The following HS6ST3 variants were observed in gnomAD, a reference collection of about 807,000 sequenced individuals.
HS6ST3 encodes heparan sulfate 6-O-sulfotransferase 3.
Under a neutral mutation model 36.7 loss-of-function variants are expected in HS6ST3, and 12 were observed. The ratio of observed to expected loss-of-function variants is 0.33; its 90% CI spans 0.21 to 0.53. The LOEUF (loss-of-function observed/expected upper bound fraction) is 0.53. HS6ST3 is among the 20% of genes least tolerant of loss of function. The pLI, the probability that HS6ST3 is intolerant of heterozygous loss-of-function variation, is 0.95. For synonymous variants in HS6ST3, 240 were observed against 257.5 expected (o/e 0.93, Z 0.65); for missense variants, 584 against 640.9 (o/e 0.91, Z 0.96).
At chr13:96,184,935 A>G (rs535267462) in intron 1 of HS6ST3, among the ~76,000 whole-genome samples, 1 of 152,178 alleles carries the variant, frequency 6.6e-6, no homozygotes, top group Non-Finnish European at 1.5e-5. Flanking sequence ...TGAACATGGT[A>G]GATATTCAGT....
chr13:96,829,114 T>G (rs1018066941), intron 1 of HS6ST3, among the ~76,000 whole-genome samples: 5 of 152,164 alleles, frequency 3.3e-5, no homozygotes, highest in Admixed American at 2.6e-4. Context: ...ATTTTCTTTT[T>G]CCTTTTCTCT....
intron 1 of HS6ST3, among the ~76,000 whole-genome samples, chr13:96,503,826 G>A (rs2056015307): frequency 2.0e-5 from 3 of 152,180 alleles, no homozygotes; most frequent in East Asian, 1.9e-4. Context: ...ATAGACTGGG[G>A]TGCTTAAACA....
At chr13:96,750,833 A>G (rs1876683313) in intron 1 of HS6ST3, among the ~76,000 whole-genome samples, 1 of 152,232 alleles carries the variant, frequency 6.6e-6, no homozygotes, top group Non-Finnish European at 1.5e-5. Context: ...ATTTCAAAAC[A>G]TAAAAAAGAA....
At chr13:96,216,613 T>C (rs7984912) in intron 1 of HS6ST3, among the ~76,000 whole-genome samples, 89,408 of 151,980 alleles carry the variant, frequency 0.59, 26,485 homozygotes, top group Admixed American at 0.68. Context: ...CAGATCATTC[T>C]TTGGCTAAGA....
intron 1 of HS6ST3, among the ~76,000 whole-genome samples, chr13:96,820,682 G>A (rs925530639): frequency 1.3e-5 from 2 of 152,352 alleles, no homozygotes; most frequent in Non-Finnish European, 2.9e-5. Context: ...GTTGGAACTC[G>A]AATCTGTCTG....
intron 1 of HS6ST3, among the ~76,000 whole-genome samples, chr13:96,332,396 AATCTT>A: frequency 6.6e-6 from 1 of 152,264 alleles, no homozygotes; most frequent in South Asian, 2.1e-4. Flanking sequence ...CCTTTGAGAA[AATCTT>A]ATCTTTTTAT....
At chr13:96,713,079 C>G (rs1566436179) in intron 1 of HS6ST3, among the ~76,000 whole-genome samples, 1 of 152,128 alleles carries the variant, frequency 6.6e-6, no homozygotes, top group Non-Finnish European at 1.5e-5. Context: ...GAAATGTCAT[C>G]TTTTTCTGTG....
At chr13:96,494,964 G>A (rs930700184) in intron 1 of HS6ST3, among the ~76,000 whole-genome samples, 2 of 152,126 alleles carry the variant, frequency 1.3e-5, no homozygotes, top group Admixed American at 1.3e-4. Flanking sequence ...ATCTGGCTTC[G>A]TGTGCCTAAT....
At chr13:96,682,197 A>C (rs2056720838) in intron 1 of HS6ST3, among the ~76,000 whole-genome samples, 2 of 152,160 alleles carry the variant, frequency 1.3e-5, no homozygotes, top group African/African-American at 4.8e-5. Context: ...AGACCTATAT[A>C]TATTTATACA....
intron 1 of HS6ST3, among the ~76,000 whole-genome samples, chr13:96,712,987 G>A (rs928406596): frequency 1.5e-4 from 23 of 152,158 alleles, no homozygotes; most frequent in Non-Finnish European, 2.8e-4. Context: ...CTCCTACTGA[G>A]TAACATAAAA....
chr13:96,209,340 T>G (rs2139356453), intron 1 of HS6ST3, among the ~76,000 whole-genome samples: 1 of 152,256 alleles, frequency 6.6e-6, no homozygotes, highest in South Asian at 2.1e-4. Context: ...GTGGAGAAGG[T>G]CTGAGGTCAT....
At chr13:96,154,842 G>T (rs1383524478) in intron 1 of HS6ST3, among the ~76,000 whole-genome samples, 1 of 152,044 alleles carries the variant, frequency 6.6e-6, no homozygotes, top group Non-Finnish European at 1.5e-5. Flanking sequence ...TGAAATTGGT[G>T]CAATACTTTT....
intron 1 of HS6ST3, among the ~76,000 whole-genome samples, chr13:96,447,730 C>G (rs1313123585): frequency 6.6e-6 from 1 of 152,158 alleles, no homozygotes; most frequent in Non-Finnish European, 1.5e-5. Context: ...TTAAACCAAT[C>G]TCCTGAGCCC....
intron 1 of HS6ST3, among the ~76,000 whole-genome samples, chr13:96,775,613 G>A (rs1381394342): frequency 6.6e-6 from 1 of 151,834 alleles, no homozygotes; most frequent in Non-Finnish European, 1.5e-5. Flanking sequence ...TGACATAATG[G>A]TAAGGGATCA....
At chr13:96,754,230 A>G (rs868282588) in intron 1 of HS6ST3, among the ~76,000 whole-genome samples, 2 of 152,090 alleles carry the variant, frequency 1.3e-5, no homozygotes, top group African/African-American at 4.8e-5. Flanking sequence ...TAATTTTATT[A>G]TTGGCCTTTC....
chr13:96,544,531 A>G (rs1490174605), intron 1 of HS6ST3, among the ~76,000 whole-genome samples: 1 of 152,240 alleles, frequency 6.6e-6, no homozygotes, highest in African/African-American at 2.4e-5. Flanking sequence ...GCACTTTGCC[A>G]CTGAAAATGA....
intron 1 of HS6ST3, among the ~76,000 whole-genome samples, chr13:96,149,061 T>G (rs1017337010): frequency 4.6e-5 from 7 of 152,092 alleles, no homozygotes; most frequent in Non-Finnish European, 1.0e-4. Flanking sequence ...AGCGTCTCAT[T>G]TAGAAAATGG....
rs550394368 is a variant in HS6ST3 at position 96,812,816 on chromosome 13, T to G, written c.708-19674T>G. Among the ~76,000 whole-genome samples, 13 of 152,264 alleles carry G rather than the reference T, an allele frequency of 8.5e-5. No individual in the cohort carries two copies. The East Asian group carries it at 2.5e-3, about 29-fold the overall frequency. On this transcript the variant is annotated intron_variant, in intron 1 of 1. Coordinates refer to ENST00000376705, the MANE Select transcript of HS6ST3 (RefSeq NM_153456.4). Reference sequence around the variant, plus strand: ...ACACACACCCCTTAGGCTTTGGTGTTGGGCCTATCTTTGGTAACTGGGAAC... The same window carrying G: ...ACACACACCCCTTAGGCTTTGGTGTGGGGCCTATCTTTGGTAACTGGGAAC...
chr13:96,130,940 A>T (rs2053972414), intron 1 of HS6ST3, among the ~76,000 whole-genome samples: 1 of 152,052 alleles, frequency 6.6e-6, no homozygotes, highest in Non-Finnish European at 1.5e-5. Context: ...AAACCCTAAG[A>T]TACCCTCTGC....
Sources: gnomAD v4.1 joint callset for allele counts (sites outside exome capture counted in the v4.1 genomes callset) on GRCh38, gnomAD v4.1.1 for gene constraint, MANE v1.5 for transcripts, NCBI Gene and HGNC (gene_info 2026-07-23, HGNC 2026-07-21) for gene names.